The following GALNTL5 variants were observed in gnomAD, a reference collection of about 807,000 sequenced individuals.
GALNTL5 encodes polypeptide N-acetylgalactosaminyltransferase like 5.
GALNTL5 carries 44 observed loss-of-function variants against 51.0 expected under a neutral mutation model. That is an observed-to-expected ratio of 0.86 (90% CI 0.68 to 1.11). The LOEUF is 1.11. Ranked by LOEUF, GALNTL5 falls within the 50% of genes least tolerant of loss-of-function variation. The pLI is 0.00. For missense variants in GALNTL5, 528 were observed against 531.8 expected, an observed-to-expected ratio of 0.99 and a Z score of 0.07; for synonymous variants, 192 against 182.8, an observed-to-expected ratio of 1.05 and a Z score of -0.41.
chr7:151,967,072 G>A (rs1465444085), intron 1 of GALNTL5, 136 bp from the exon 2 acceptor site: 5 of 566,894 alleles, frequency 8.8e-6, no homozygotes, highest in Non-Finnish European at 1.2e-5. Context: ...TAGAAATAAG[G>A]ACACACTTTA....
intron 6 of GALNTL5, among the ~76,000 whole-genome samples, chr7:152,006,703 C>T (rs2081648252): frequency 6.6e-6 from 1 of 152,102 alleles, no homozygotes; most frequent in Admixed American, 6.6e-5. Flanking sequence ...GACTCATATC[C>T]CTAAAACATA....
At chr7:151,989,413 A>G (rs922428908) in intron 5 of GALNTL5, among the ~76,000 whole-genome samples, 8 of 152,226 alleles carry the variant, frequency 5.3e-5, no homozygotes, top group Admixed American at 6.5e-5. Context: ...TCGGCCTCCC[A>G]AAGTGTTGAG....
At chr7:151,983,194 T>G (rs763261051) in intron 4 of GALNTL5, 42 bp downstream of exon 4, 2 of 1,547,212 alleles carry the variant, frequency 1.3e-6, no homozygotes, top group South Asian at 2.2e-5. Flanking sequence ...TTGTTGTTGT[T>G]GTTGTTGAGA....
chr7:152,013,053 G>T lies in GALNTL5; in HGVS notation c.1027-1591G>T, dbSNP rs1231457668. Among the ~76,000 whole-genome samples, 6 of 152,246 alleles carry T rather than the reference G, an allele frequency of 3.9e-5. No homozygotes were observed. The East Asian group carries it at 1.2e-3, about 29-fold the overall frequency. On this transcript the variant is annotated intron_variant, in intron 7 of 8. Transcript: ENST00000392800. ...AAATCATGTCCTTTGCAGCAAAGTG[G>T]GTGGAGCTGGAGGTCATTATCCTAA...
At chr7:151,984,434 C>T (rs1057215291) in intron 4 of GALNTL5, among the ~76,000 whole-genome samples, 3 of 152,104 alleles carry the variant, frequency 2.0e-5, no homozygotes, top group African/African-American at 7.2e-5. Context: ...TGAGGAGAAG[C>T]AGTAGGAAGA....
intron 2 of GALNTL5, 191 bp from the exon 3 acceptor site, chr7:151,970,753 CT>C (rs2081124727): frequency 4.8e-6 from 2 of 414,688 alleles, no homozygotes; most frequent in Non-Finnish European, 8.9e-6. Flanking sequence ...TCAGGTATTC[CT>C]TTATAGCAAT....
intron 1 of GALNTL5, among the ~76,000 whole-genome samples, chr7:151,962,845 G>A (rs1586802083): frequency 1.3e-5 from 2 of 151,926 alleles, no homozygotes; most frequent in Admixed American, 1.3e-4. Context: ...CTGACCTCAA[G>A]TGATCCACCC....
intron 7 of GALNTL5, among the ~76,000 whole-genome samples, chr7:152,008,983 T>A (rs977774534): frequency 1.3e-5 from 2 of 152,238 alleles, no homozygotes; most frequent in Non-Finnish European, 2.9e-5. Context: ...TTTCTGGCCC[T>A]ACATTCCCTA....
chr7:152,015,485 G>A (rs1445046024), intron 8 of GALNTL5, among the ~76,000 whole-genome samples: 10 of 151,738 alleles, frequency 6.6e-5, no homozygotes, highest in Admixed American at 6.6e-4. Context: ...TCAGCCTCTG[G>A]AGTAGCTGGG....
chr7:151,984,046 C>T (rs1386559929), intron 4 of GALNTL5: 1 of 152,146 alleles, frequency 6.6e-6, no homozygotes, highest in Non-Finnish European at 1.5e-5. Context: ...AAAACCCCAT[C>T]ACTTAAAAAA....
intron 4 of GALNTL5, chr7:151,984,069 G>A (rs755163231): frequency 3.9e-5 from 6 of 152,164 alleles, no homozygotes; most frequent in Non-Finnish European, 7.3e-5. Flanking sequence ...CAGGGCACGG[G>A]GGGTAACTGC....
At chr7:152,005,048 T>A (rs1195866607) in intron 6 of GALNTL5, among the ~76,000 whole-genome samples, 1 of 152,256 alleles carries the variant, frequency 6.6e-6, no homozygotes, top group Non-Finnish European at 1.5e-5. Flanking sequence ...CCACAGCGGT[T>A]GTACTAATTT....
chr7:151,993,858 A>T (rs1324240766), intron 5 of GALNTL5, among the ~76,000 whole-genome samples: 1 of 152,052 alleles, frequency 6.6e-6, no homozygotes, highest in Non-Finnish European at 1.5e-5. Context: ...GGTCTCAAGC[A>T]ATATTCTCCC....
intron 2 of GALNTL5, among the ~76,000 whole-genome samples, chr7:151,969,973 T>TC (rs36104880): frequency 3.7e-5 from 1 of 27,152 alleles, no homozygotes; most frequent in Non-Finnish European, 8.4e-5. Flanking sequence ...CGCCTGGCTA[T>TC]TTTTTTTTTT....
At chr7:151,988,821 C>G (rs2151950125) in intron 5 of GALNTL5, among the ~76,000 whole-genome samples, 1 of 151,860 alleles carries the variant, frequency 6.6e-6, no homozygotes, top group South Asian at 2.1e-4. Context: ...CTGCCTCAGC[C>G]TCTCAAGTAG....
At chr7:151,964,705 T>C (rs1026074026) in intron 1 of GALNTL5, among the ~76,000 whole-genome samples, 1 of 151,964 alleles carries the variant, frequency 6.6e-6, no homozygotes, top group Non-Finnish European at 1.5e-5. Context: ...AATCCCAAAG[T>C]GAGATGCCAA....
intron 1 of GALNTL5, among the ~76,000 whole-genome samples, chr7:151,964,527 T>G (rs964663471): frequency 6.6e-6 from 1 of 152,156 alleles, no homozygotes; most frequent in African/African-American, 2.4e-5. Flanking sequence ...ACTCTCTCTT[T>G]GCCTGCTGCC....
chr7:152,010,700 G>A (rs2081721962), intron 7 of GALNTL5, among the ~76,000 whole-genome samples: 1 of 151,906 alleles, frequency 6.6e-6, no homozygotes, highest in African/African-American at 2.4e-5. Flanking sequence ...CCTGGGAGGT[G>A]GAGGTTACAG....
intron 4 of GALNTL5, among the ~76,000 whole-genome samples, chr7:151,986,797 G>A (rs866777082): frequency 1.3e-5 from 2 of 149,850 alleles, no homozygotes; most frequent in African/African-American, 2.5e-5. Flanking sequence ...GGGCCATCTC[G>A]GCTCACTGCA....
Sources: gnomAD v4.1 joint callset for allele counts (sites outside exome capture counted in the v4.1 genomes callset) on GRCh38, gnomAD v4.1.1 for gene constraint, MANE v1.5 for transcripts, NCBI Gene and HGNC (gene_info 2026-07-23, HGNC 2026-07-21) for gene names.